Variants in CBLN2 observed in about 807,000 individuals in gnomAD.
CBLN2 encodes cerebellin-2.
In CBLN2, 7 loss-of-function variants were observed where a neutral mutation model predicts 15.0. The observed-to-expected ratio is 0.47, with a 90% CI of 0.27 to 0.88. CBLN2 has a LOEUF of 0.88. Ranked by LOEUF, CBLN2 falls within the 40% of genes least tolerant of loss-of-function variation. The pLI is 0.14. For missense variants in CBLN2, 242 were observed against 304.5 expected, an observed-to-expected ratio of 0.79 and a Z score of 1.53; for synonymous variants, 149 against 135.2, an observed-to-expected ratio of 1.10 and a Z score of -0.71.
In CBLN2 at chr18:72,636,345, C is replaced by CG. The variant is rs1409201079; in HGVS notation, c.15+1979dup. Among the ~76,000 whole-genome samples the CG allele has an allele frequency of 2.0e-5, 3 of 152,066 alleles. No individual in the cohort carries two copies. The East Asian group carries it at 5.8e-4, about 29-fold the overall frequency. ...ACTGATTATTTAGCAAGTCACAACA[C>CG]GGTAAGTTAACGTAACATAGCCAAT... is the stretch of plus-strand genomic sequence containing the variant. On this transcript the variant is annotated intron_variant, in intron 1 of 2. Coordinates refer to the CBLN2 transcript ENST00000581073.
chr18:72,582,997 T>C (rs1406284627), intron 1 of CBLN2, among the ~76,000 whole-genome samples: 1 of 152,188 alleles, frequency 6.6e-6, no homozygotes, highest in African/African-American at 2.4e-5. Flanking sequence ...AGGTTCACTC[T>C]GTGAGATGGA....
chr18:72,559,136 C>T (rs1341791622), intron 1 of CBLN2, among the ~76,000 whole-genome samples: 3 of 152,234 alleles, frequency 2.0e-5, no homozygotes, highest in African/African-American at 7.2e-5. Context: ...CCACAGCCCA[C>T]CAGCACTCCC....
intron 3 of CBLN2, 114 bp from the exon 4 acceptor site, chr18:72,538,886 A>G: frequency 1.5e-6 from 2 of 1,378,178 alleles, no homozygotes; most frequent in Admixed American, 2.1e-5. Context: ...TGGGAACACA[A>G]ATTCAGCATC....
At chr18:72,636,056 T>A (rs1383765868) in intron 1 of CBLN2, among the ~76,000 whole-genome samples, 1 of 152,162 alleles carries the variant, frequency 6.6e-6, no homozygotes, top group Non-Finnish European at 1.5e-5. Context: ...ACCCTTTTCT[T>A]CATTTTAGAA....
intron 3 of CBLN2, 126 bp from the exon 4 acceptor site, chr18:72,538,898 T>G: frequency 1.6e-6 from 2 of 1,272,886 alleles, no homozygotes; most frequent in Non-Finnish European, 2.2e-6. Flanking sequence ...TTCAGCATCC[T>G]CAGCATTCTG....
chr18:72,633,731 T>C (rs1333105977), intron 1 of CBLN2, among the ~76,000 whole-genome samples: 2 of 152,166 alleles, frequency 1.3e-5, no homozygotes, highest in Non-Finnish European at 2.9e-5. Flanking sequence ...TCTAAACTTG[T>C]GTACTTAAAC....
intron 1 of CBLN2, among the ~76,000 whole-genome samples, chr18:72,600,784 G>C (rs2069542783): frequency 6.6e-6 from 1 of 152,148 alleles, no homozygotes; most frequent in South Asian, 2.1e-4. Context: ...AGGATGGTTT[G>C]GTGGGTGGGG....
intron 1 of CBLN2, among the ~76,000 whole-genome samples, chr18:72,573,777 T>A (rs1299187750): frequency 2.6e-5 from 4 of 152,182 alleles, no homozygotes; most frequent in South Asian, 2.1e-4. Flanking sequence ...TTCATGTAGA[T>A]CTAGGTTTTC....
chr18:72,638,093 G>A (rs2069825904), intron 1 of CBLN2, among the ~76,000 whole-genome samples: 1 of 152,216 alleles, frequency 6.6e-6, no homozygotes, highest in Admixed American at 6.5e-5. Context: ...TATCGTACAT[G>A]TAAGAAAATG....
chr18:72,626,141 G>C (rs1255013554), intron 1 of CBLN2, among the ~76,000 whole-genome samples: 2 of 151,862 alleles, frequency 1.3e-5, no homozygotes, highest in Non-Finnish European at 2.9e-5. Context: ...CTCCCGTTCG[G>C]CAAACATTTT....
intron 1 of CBLN2, among the ~76,000 whole-genome samples, chr18:72,561,879 T>C (rs1263492933): frequency 1.3e-5 from 2 of 152,222 alleles, no homozygotes; most frequent in Non-Finnish European, 1.5e-5. Flanking sequence ...AATTATTATA[T>C]GTCAGGGGTA....
chr18:72,588,371 T>G (rs1241209410), intron 1 of CBLN2, among the ~76,000 whole-genome samples: 1 of 152,240 alleles, frequency 6.6e-6, no homozygotes, highest in Non-Finnish European at 1.5e-5. Flanking sequence ...CTTTTTCTTT[T>G]TTATTCAGGT....
At chr18:72,622,971 T>C (rs2069711313) in intron 1 of CBLN2, among the ~76,000 whole-genome samples, 1 of 152,130 alleles carries the variant, frequency 6.6e-6, no homozygotes, top group Non-Finnish European at 1.5e-5. Flanking sequence ...GGGTAATTTA[T>C]AAAGAAAAGA....
intron 1 of CBLN2, among the ~76,000 whole-genome samples, chr18:72,597,682 G>A (rs1323172228): frequency 6.6e-6 from 1 of 152,164 alleles, no homozygotes; most frequent in Non-Finnish European, 1.5e-5. Context: ...TGTGAACAAG[G>A]GCTTCTAATC....
chr18:72,638,448 A>G, exon 1 of CBLN2: 1 of 397,582 alleles, frequency 2.5e-6, no homozygotes, highest in Non-Finnish European at 4.4e-6. Context: ...GATCTATCCA[A>G]TGACAGACTT....
At chr18:72,631,426 T>A (rs12458700) in intron 1 of CBLN2, among the ~76,000 whole-genome samples, 61,360 of 128,508 alleles carry the variant, frequency 0.48, 15,028 homozygotes, top group Non-Finnish European at 0.58. Flanking sequence ...AAAAGGCTAG[T>A]GTGTATTAAA....
intron 1 of CBLN2, among the ~76,000 whole-genome samples, chr18:72,611,289 T>C (rs2069620653): frequency 6.6e-6 from 1 of 152,202 alleles, no homozygotes; most frequent in Non-Finnish European, 1.5e-5. Context: ...AAATGTTAGT[T>C]TTCTTTTAAA....
intron 1 of CBLN2, among the ~76,000 whole-genome samples, chr18:72,615,297 C>A (rs2069653744): frequency 7.8e-6 from 1 of 128,968 alleles, no homozygotes; most frequent in South Asian, 2.4e-4. Flanking sequence ...TTTTTTGAGA[C>A]AGAGTTTTGC....
chr18:72,574,600 T>C (rs1042799478), intron 1 of CBLN2, among the ~76,000 whole-genome samples: 1 of 152,184 alleles, frequency 6.6e-6, no homozygotes, highest in African/African-American at 2.4e-5. Context: ...CATGGCTCAT[T>C]CATCTGTGTG....
Sources: allele counts gnomAD v4.1 joint callset (sites outside exome capture counted in the v4.1 genomes callset), GRCh38; gene constraint gnomAD v4.1.1; transcripts MANE v1.5; gene names NCBI Gene and HGNC (gene_info 2026-07-23, HGNC 2026-07-21).